Variants in SH2D4A observed in about 807,000 individuals in gnomAD.
SH2D4A encodes the protein SH2 domain-containing protein 4A.
A neutral mutation model predicts 64.7 loss-of-function variants in SH2D4A; 70 were observed. The observed-to-expected ratio is 1.08, with a 90% CI of 0.89 to 1.32. The LOEUF (loss-of-function observed/expected upper bound fraction) is 1.32, where lower values mean the gene tolerates loss of function less well. Ranked by LOEUF, SH2D4A falls within the 40% of genes most tolerant of loss-of-function variation. The pLI is 0.00. For missense variants in SH2D4A, 706 were observed against 540.1 expected (o/e 1.31, Z -3.04); for synonymous variants, 268 against 200.7 (o/e 1.34, Z -2.83).
rs183723202 is a variant in SH2D4A at position 19,318,047 on chromosome 8, C to T, written c.-204-1297C>T. On this transcript the variant is annotated intron_variant, in intron 1 of 9. Transcript: ENST00000265807. Reference sequence around the variant, plus strand: ...TCTTGAGTAGCTGGGATTACAGGCACCCACCACCATGCCCAGCTAATTTCT... The same window carrying T: ...TCTTGAGTAGCTGGGATTACAGGCATCCACCACCATGCCCAGCTAATTTCT... Among the ~76,000 whole-genome samples the T allele has an allele frequency of 7.5e-4, 114 of 152,104 alleles. 1 individual carries two copies. Among genetic ancestry groups the T allele is most frequent in the Non-Finnish European group, 1.5e-3 (101 of 67,988 alleles).
In SH2D4A at chr8:19,376,296, G is replaced by A. The variant is rs1218802867; in HGVS notation, c.1048+2636G>A. Among the ~76,000 whole-genome samples the A allele has an allele frequency of 3.9e-5, 6 of 152,266 alleles. No individual in the cohort carries two copies. In the South Asian group the frequency reaches 1.2e-3, roughly 32 times the overall value. ...ACGAAGCCCACACACATTATGGAGGGTAATCTGCTTTACTCCAAGTCCTCC... is the reference window on the plus strand; with the variant it reads ...ACGAAGCCCACACACATTATGGAGGATAATCTGCTTTACTCCAAGTCCTCC... On this transcript the variant is annotated intron_variant, in intron 8 of 9. Transcript: ENST00000265807.
intron 7 of SH2D4A, among the ~76,000 whole-genome samples, chr8:19,372,309 T>A (rs770551194): frequency 6.6e-6 from 1 of 152,140 alleles, no homozygotes. Context: ...GCTCTATGAT[T>A]TACACAGCTC....
intron 1 of SH2D4A, among the ~76,000 whole-genome samples, chr8:19,314,655 CCAAA>C (rs1365095978): frequency 6.6e-6 from 1 of 152,156 alleles, no homozygotes; most frequent in Non-Finnish European, 1.5e-5. Context: ...CCTCATCGCT[CCAAA>C]GGCTTTCGTT....
chr8:19,376,216 C>T (rs2053193233), intron 8 of SH2D4A, among the ~76,000 whole-genome samples: 1 of 152,156 alleles, frequency 6.6e-6, no homozygotes, highest in Non-Finnish European at 1.5e-5. Context: ...GGCAGCATCC[C>T]TTCCTGCTCA....
intron 2 of SH2D4A, among the ~76,000 whole-genome samples, chr8:19,327,424 C>T (rs938961116): frequency 6.6e-6 from 1 of 152,192 alleles, no homozygotes; most frequent in Non-Finnish European, 1.5e-5. Context: ...ATTAGGCTCC[C>T]TGAAATGTAC....
intron 1 of SH2D4A, chr8:19,314,090 G>A: frequency 8.5e-7 from 1 of 1,180,552 alleles, no homozygotes; most frequent in Non-Finnish European, 1.0e-6. Flanking sequence ...GTGAGCGGCG[G>A]TCCCCGGGGC....
chr8:19,323,982 A>G (rs1256439706), intron 2 of SH2D4A, among the ~76,000 whole-genome samples: 3 of 152,236 alleles, frequency 2.0e-5, no homozygotes. Context: ...TCCCAAAGCC[A>G]GCACTGTAAA....
intron 7 of SH2D4A, 33 bp downstream of exon 7, chr8:19,364,315 A>G (rs2052950248): frequency 6.2e-7 from 1 of 1,608,600 alleles, no homozygotes; most frequent in Non-Finnish European, 8.5e-7. Flanking sequence ...TTATGCATAA[A>G]CATTGCAATG....
At chr8:19,318,989 T>C (rs926649849) in intron 1 of SH2D4A, among the ~76,000 whole-genome samples, 8 of 152,168 alleles carry the variant, frequency 5.3e-5, no homozygotes, top group African/African-American at 1.7e-4. Context: ...TGACTTTTTT[T>C]TTTCTTTCTT....
chr8:19,386,284 A>G (rs2153651788), intron 8 of SH2D4A, among the ~76,000 whole-genome samples: 1 of 152,374 alleles, frequency 6.6e-6, no homozygotes, highest in South Asian at 2.1e-4. Context: ...GGCTAAAACT[A>G]CACACATTAA....
rs184169364 is a variant in SH2D4A at position 19,394,547 on chromosome 8, C to G, written c.1273-3C>G. 2.9e-5 allele frequency: 47 copies of G among 1,601,298 alleles called. No individual in the cohort carries two copies. The highest frequency in any genetic ancestry group is 3.8e-5 in the Non-Finnish European group (45 of 1,172,476). On this transcript the variant is annotated splice_polypyrimidine_tract_variant and splice_region_variant and intron_variant, in intron 9 of 9. Transcript: ENST00000265807. ...ATCTGACCCCGTGCCTTCTGATTGA[C>G]AGGAGGAACCCATCACTTCCCTGGG...
At chr8:19,358,707 T>G (rs543073200) in intron 5 of SH2D4A, among the ~76,000 whole-genome samples, 1 of 152,276 alleles carries the variant, frequency 6.6e-6, no homozygotes, top group South Asian at 2.1e-4. Flanking sequence ...AGAGGCATCC[T>G]CCTTTGGGGA....
At chr8:19,367,944 G>T (rs2053027216) in intron 7 of SH2D4A, among the ~76,000 whole-genome samples, 1 of 152,102 alleles carries the variant, frequency 6.6e-6, no homozygotes, top group Admixed American at 6.6e-5. Context: ...TCCTTGCTCA[G>T]ACTGATGTCC....
At chr8:19,385,318 T>G (rs1344772772) in intron 8 of SH2D4A, among the ~76,000 whole-genome samples, 1 of 151,882 alleles carries the variant, frequency 6.6e-6, no homozygotes, top group Non-Finnish European at 1.5e-5. Flanking sequence ...CAAATGATTC[T>G]CCTGCCTCTG....
chr8:19,334,541 T>G, intron 3 of SH2D4A, 145 bp from the exon 4 acceptor site: 1 of 797,262 alleles, frequency 1.3e-6, no homozygotes, highest in Non-Finnish European at 1.9e-6. Context: ...TTTACACACC[T>G]AGCAAAGGGC....
intron 8 of SH2D4A, among the ~76,000 whole-genome samples, chr8:19,388,577 C>G (rs184985528): frequency 6.6e-6 from 1 of 152,152 alleles, no homozygotes; most frequent in African/African-American, 2.4e-5. Flanking sequence ...GGAGGTGATA[C>G]AAACTTTATT....
chr8:19,346,953 G>C (rs547832899), intron 4 of SH2D4A, among the ~76,000 whole-genome samples: 26 of 152,292 alleles, frequency 1.7e-4, no homozygotes, highest in Non-Finnish European at 3.2e-4. Context: ...AGGCAAAAGA[G>C]GGCTGTCTGG....
chr8:19,374,594 G>C (rs767959649), intron 8 of SH2D4A, among the ~76,000 whole-genome samples: 2 of 152,216 alleles, frequency 1.3e-5, no homozygotes, highest in Non-Finnish European at 2.9e-5. Context: ...AAAAGGAATA[G>C]CTATTTGTGA....
intron 1 of SH2D4A, among the ~76,000 whole-genome samples, chr8:19,318,597 C>T (rs1364016093): frequency 1.3e-5 from 2 of 152,150 alleles, no homozygotes; most frequent in Non-Finnish European, 2.9e-5. Context: ...ACCTCTTCAT[C>T]CCCCTAGTTT....
Sources: gnomAD v4.1 joint callset for allele counts (sites outside exome capture counted in the v4.1 genomes callset) on GRCh38, gnomAD v4.1.1 for gene constraint, MANE v1.5 for transcripts, NCBI Gene and HGNC (gene_info 2026-07-23, HGNC 2026-07-21) for gene names.